NIPBL: variants seen among roughly 807,000 people sequenced by gnomAD.
NIPBL encodes the protein NIPBL cohesin loading factor, also known as nipped-B-like protein.
NIPBL carries 19 observed loss-of-function variants against 321.8 expected under a neutral mutation model. The ratio of observed to expected loss-of-function variants is 0.06; its 90% CI spans 0.04 to 0.09. The LOEUF (loss-of-function observed/expected upper bound fraction) is 0.09. NIPBL is among the 10% of genes least tolerant of loss of function. The pLI, the probability that NIPBL is intolerant of heterozygous loss-of-function variation, is 1.00. For synonymous variants in NIPBL, 1,106 were observed against 1,114.1 expected (o/e 0.99, Z 0.14); for missense variants, 2,210 against 3,327.0 (o/e 0.66, Z 8.26).
chr5:36,980,757 G>T (rs1418548171), intron 9 of NIPBL, among the ~76,000 whole-genome samples: 17 of 151,648 alleles, frequency 1.1e-4, no homozygotes, highest in Admixed American at 1.1e-3. Flanking sequence ...GTATCCTGTT[G>T]TTAAGCAATA....
intron 45 of NIPBL, among the ~76,000 whole-genome samples, chr5:37,063,487 C>T (rs1755023830): frequency 1.3e-5 from 2 of 152,198 alleles, no homozygotes; most frequent in Admixed American, 6.5e-5. Flanking sequence ...GTATCTAACC[C>T]ATTGCCTGTT....
intron 7 of NIPBL, chr5:36,971,671 A>G (rs1742867665): frequency 4.4e-6 from 1 of 227,116 alleles, no homozygotes; most frequent in South Asian, 1.6e-4. Flanking sequence ...GAGTATTCAT[A>G]GCTCCTTTTG....
In NIPBL at chr5:36,893,332, A is replaced by G. The variant is rs572272016; in HGVS notation, c.-80+16154A>G. ...TTTTAGAATTGTTACATGTAGGAACAGTTATAAAGCAGTCAAACTGATGTA... is the reference window on the plus strand; with the variant it reads ...TTTTAGAATTGTTACATGTAGGAACGGTTATAAAGCAGTCAAACTGATGTA... On this transcript the variant is annotated intron_variant, in intron 1 of 46. Coordinates refer to ENST00000282516, the MANE Select transcript of NIPBL (RefSeq NM_133433.4). 2.7e-4 allele frequency among the ~76,000 whole-genome samples: 41 copies of G among 152,344 alleles called. 2 individuals are homozygous for G. The East Asian group carries it at 7.5e-3, about 28-fold the overall frequency.
chr5:36,895,877 A>G (rs893034774), intron 1 of NIPBL, among the ~76,000 whole-genome samples: 1 of 152,140 alleles, frequency 6.6e-6, no homozygotes, highest in African/African-American at 2.4e-5. Context: ...CAGATACGTG[A>G]TTTGCAATAT....
At position 37,019,156 on chromosome 5, in the gene NIPBL, C is replaced by T. The variant is rs377579838; in HGVS notation, c.4921-155C>T. ...TCAGCTATCAATATATAATATTTTT[C>T]GGAAATAATATTTTTCTGTTTTTTC... On this transcript the variant is annotated intron_variant, in intron 24 of 46. Coordinates refer to ENST00000282516, the MANE Select transcript of NIPBL (RefSeq NM_133433.4). Among the ~76,000 whole-genome samples, 49 of 152,138 alleles carry T rather than the reference C, an allele frequency of 3.2e-4. 2 individuals are homozygous for T. In the South Asian group the frequency reaches 8.3e-3, roughly 26 times the overall value.
At chr5:36,945,028 A>G (rs181002720) in intron 1 of NIPBL, among the ~76,000 whole-genome samples, 4 of 152,314 alleles carry the variant, frequency 2.6e-5, no homozygotes, top group Admixed American at 1.3e-4. Context: ...TTCAACCTAT[A>G]TAAGGGACTT....
At chr5:36,920,739 T>G (rs1748867297) in intron 1 of NIPBL, among the ~76,000 whole-genome samples, 1 of 152,146 alleles carries the variant, frequency 6.6e-6, no homozygotes, top group Non-Finnish European at 1.5e-5. Context: ...GTGCTCCTCC[T>G]CTCAGTAGCT....
chr5:36,880,807 T>A (rs1745446719), intron 1 of NIPBL, among the ~76,000 whole-genome samples: 1 of 152,066 alleles, frequency 6.6e-6, no homozygotes, highest in Non-Finnish European at 1.5e-5. Context: ...GTGACCTGAG[T>A]TCATTTAAAA....
Position 37,036,511 on chromosome 5 carries a change from G to T in NIPBL, c.5971+24G>T, listed in dbSNP as rs761904399. ...TGGTAAGACATTTTATATATATATT[G>T]ATCTTTAGTTGATTTTATAAGATAT... On this transcript the variant is annotated intron_variant, in intron 33 of 46. Transcript: ENST00000282516. The T allele has an allele frequency of 7.3e-6, 7 of 960,566 alleles. 1 individual carries two copies. The South Asian group carries it at 1.2e-4, about 16-fold the overall frequency. The allele number at this position is 960,566 out of a possible 1,614,324, so 59.5% of individuals were successfully genotyped here.
chr5:37,056,081 AAGAAAATATGTATATTTTC>A (rs1754061414), intron 42 of NIPBL, among the ~76,000 whole-genome samples: 1 of 152,196 alleles, frequency 6.6e-6, no homozygotes, highest in African/African-American at 2.4e-5. Flanking sequence ...ATGGATGTTG[AAGAAAATATGTATATTTTC>A]TTCAATATTA....
chr5:37,019,607 G>A (rs1321929095), intron 25 of NIPBL, among the ~76,000 whole-genome samples: 1 of 152,182 alleles, frequency 6.6e-6, no homozygotes. Context: ...ATACTGTACT[G>A]TACTAAAATT....
intron 1 of NIPBL, among the ~76,000 whole-genome samples, chr5:36,878,053 C>G (rs1387367749): frequency 6.6e-6 from 1 of 152,128 alleles, no homozygotes; most frequent in Non-Finnish European, 1.5e-5. Flanking sequence ...ACTTCCTGAC[C>G]AAAACGTGTA....
chr5:36,914,212 G>C (rs1311269080), intron 1 of NIPBL, among the ~76,000 whole-genome samples: 1 of 152,196 alleles, frequency 6.6e-6, no homozygotes, highest in Non-Finnish European at 1.5e-5. Flanking sequence ...TTACCCTACT[G>C]GTAAGTGTCT....
At chr5:36,922,208 A>G (rs921549424) in intron 1 of NIPBL, among the ~76,000 whole-genome samples, 1 of 151,998 alleles carries the variant, frequency 6.6e-6, no homozygotes, top group African/African-American at 2.4e-5. Flanking sequence ...TTTTCTTAAA[A>G]ATATGTTACC....
intron 32 of NIPBL, among the ~76,000 whole-genome samples, chr5:37,033,508 A>G (rs1307328829): frequency 1.3e-5 from 2 of 151,428 alleles, no homozygotes; most frequent in African/African-American, 4.8e-5. Flanking sequence ...TGATGGAGAA[A>G]AGATAGACTG....
chr5:37,013,492 G>T (rs1212789838), intron 21 of NIPBL, among the ~76,000 whole-genome samples: 1 of 151,450 alleles, frequency 6.6e-6, no homozygotes, highest in Admixed American at 6.6e-5. Context: ...CTTCTCAGAC[G>T]GGGCGGTTGC....
chr5:36,966,710 A>G (rs1428043097), intron 6 of NIPBL, among the ~76,000 whole-genome samples: 1 of 152,102 alleles, frequency 6.6e-6, no homozygotes, highest in Non-Finnish European at 1.5e-5. Context: ...TTATCATTCT[A>G]AAGATTACAT....
intron 1 of NIPBL, among the ~76,000 whole-genome samples, chr5:36,905,853 C>G (rs528044315): frequency 6.6e-6 from 1 of 152,074 alleles, no homozygotes; most frequent in South Asian, 2.1e-4. Context: ...ACGCCATTCT[C>G]CTGCCTCAGC....
At chr5:36,898,222 G>A (rs896392630) in intron 1 of NIPBL, among the ~76,000 whole-genome samples, 2 of 152,114 alleles carry the variant, frequency 1.3e-5, no homozygotes, top group African/African-American at 4.8e-5. Context: ...ATACTATAAA[G>A]TATGCTTGTT....
Sources: gnomAD v4.1 joint callset for allele counts (sites outside exome capture counted in the v4.1 genomes callset) on GRCh38, gnomAD v4.1.1 for gene constraint, MANE v1.5 for transcripts, NCBI Gene and HGNC (gene_info 2026-07-23, HGNC 2026-07-21) for gene names.